The following MUSK variants were observed in gnomAD, a reference collection of about 807,000 sequenced individuals.
MUSK encodes the protein muscle associated receptor tyrosine kinase, also known as muscle, skeletal receptor tyrosine-protein kinase.
A neutral mutation model predicts 88.7 loss-of-function variants in MUSK; 55 were observed. That is an observed-to-expected ratio of 0.62 (90% CI 0.50 to 0.78). MUSK has a LOEUF of 0.78. MUSK is among the 30% of genes least tolerant of loss of function. The pLI, the probability that MUSK is intolerant of heterozygous loss-of-function variation, is 0.00. For synonymous variants in MUSK, 387 were observed against 391.9 expected, an observed-to-expected ratio of 0.99 and a Z score of 0.15; for missense variants, 1,015 against 1,074.3, an observed-to-expected ratio of 0.94 and a Z score of 0.77.
intron 8 of MUSK, among the ~76,000 whole-genome samples, chr9:110,764,603 T>TAGATAGA (rs143325894): frequency 8.1e-5 from 12 of 149,004 alleles, no homozygotes; most frequent in Non-Finnish European, 1.5e-4. Context: ...GATAGATAGA[T>TAGATAGA]TAGATAGATA....
chr9:110,675,183 G>A (rs1280939943), intron 1 of MUSK, among the ~76,000 whole-genome samples: 1 of 149,530 alleles, frequency 6.7e-6, no homozygotes, highest in East Asian at 2.0e-4. Context: ...ATGGAGCTGG[G>A]ATGTGAATTC....
At chr9:110,696,885 T>C (rs7047593) in intron 4 of MUSK, among the ~76,000 whole-genome samples, 70,840 of 151,376 alleles carry the variant, frequency 0.47, 17,158 homozygotes, top group East Asian at 0.86. Context: ...GATTTTAGCG[T>C]GCCTATTACC....
chr9:110,785,138 GCTT>G, intron 12 of MUSK, 122 bp downstream of exon 12: 1 of 893,776 alleles, frequency 1.1e-6, no homozygotes, highest in South Asian at 1.8e-5. Flanking sequence ...CCGTAGCCCT[GCTT>G]TAAAATTAAG....
intron 1 of MUSK, among the ~76,000 whole-genome samples, chr9:110,673,088 A>G (rs1209798348): frequency 6.6e-6 from 1 of 152,238 alleles, no homozygotes; most frequent in East Asian, 1.9e-4. Context: ...ATATCATTAA[A>G]TACAACTGAT....
chr9:110,776,837 T>C (rs550567937), intron 11 of MUSK, among the ~76,000 whole-genome samples, 182 bp downstream of exon 11: 1 of 152,306 alleles, frequency 6.6e-6, no homozygotes, highest in Admixed American at 6.5e-5. Flanking sequence ...AGTTTATAAC[T>C]TTTAATTAGA....
intron 5 of MUSK, among the ~76,000 whole-genome samples, chr9:110,718,587 A>G (rs571044218): frequency 5.9e-5 from 9 of 152,228 alleles, no homozygotes; most frequent in African/African-American, 2.2e-4. Context: ...GGACTATGTT[A>G]AAAGTCAAAA....
intron 11 of MUSK, among the ~76,000 whole-genome samples, chr9:110,782,908 C>G (rs148396325): frequency 2.6e-5 from 4 of 152,164 alleles, no homozygotes; most frequent in Non-Finnish European, 4.4e-5. Context: ...GTTCCAGGTG[C>G]CTGCCTGAGT....
chr9:110,735,742 T>C (rs751376920), intron 6 of MUSK, among the ~76,000 whole-genome samples: 3 of 152,056 alleles, frequency 2.0e-5, no homozygotes, highest in South Asian at 2.1e-4. Flanking sequence ...TCAGGAAGCA[T>C]AATGGCTTCT....
intron 7 of MUSK, among the ~76,000 whole-genome samples, chr9:110,760,808 C>T (rs1403125812): frequency 6.6e-6 from 1 of 152,020 alleles, no homozygotes; most frequent in African/African-American, 2.4e-5. Context: ...TTATAAAAAC[C>T]TTCTAGTTAC....
intron 9 of MUSK, among the ~76,000 whole-genome samples, chr9:110,772,732 T>A (rs1370796466): frequency 6.6e-6 from 1 of 151,974 alleles, no homozygotes; most frequent in Non-Finnish European, 1.5e-5. Context: ...TCCAAGAATG[T>A]TTTCTTGCAA....
At chr9:110,739,898 G>C (rs1316179458) in intron 6 of MUSK, among the ~76,000 whole-genome samples, 1 of 152,060 alleles carries the variant, frequency 6.6e-6, no homozygotes, top group East Asian at 1.9e-4. Context: ...TTTCCTCCAG[G>C]ACAGGCTGTC....
chr9:110,693,132 G>T (rs547446658), intron 3 of MUSK, among the ~76,000 whole-genome samples: 2 of 152,246 alleles, frequency 1.3e-5, no homozygotes, highest in East Asian at 3.9e-4. Flanking sequence ...AAATAATGAA[G>T]ACTTCATTCT....
rs755862171 is a variant in MUSK at position 110,785,021 on chromosome 9, G to T, written c.1586+5G>T. 3.1e-6 allele frequency: 5 copies of T among 1,612,510 alleles called. No homozygotes were observed. The East Asian group carries it at 1.1e-4, about 36-fold the overall frequency. The stretch of plus-strand genomic sequence containing the variant: ...ACAATGGAAAAATAAGAAAAGGTGA[G>T]ATTCTAGTTTCAGCTAACCATGTGT... On this transcript the variant is annotated splice_donor_5th_base_variant and intron_variant, in intron 12 of 14. Transcript: ENST00000374448.
intron 8 of MUSK, among the ~76,000 whole-genome samples, chr9:110,763,553 A>G (rs1183717056): frequency 6.6e-6 from 1 of 152,202 alleles, no homozygotes; most frequent in Non-Finnish European, 1.5e-5. Context: ...AAGAATAGAA[A>G]CAGTTCCCGT....
chr9:110,744,579 G>GA (rs142645701), intron 6 of MUSK, among the ~76,000 whole-genome samples: 3 of 151,592 alleles, frequency 2.0e-5, no homozygotes, highest in Admixed American at 6.6e-5. Flanking sequence ...CCTCTTTTTA[G>GA]AAAAAAAAGT....
chr9:110,698,628 T>C (rs1005569968), intron 5 of MUSK, among the ~76,000 whole-genome samples: 8 of 152,164 alleles, frequency 5.3e-5, no homozygotes, highest in African/African-American at 1.7e-4. Flanking sequence ...TTGCCTCCAA[T>C]TGAGGTAACA....
At chr9:110,682,582 C>A in intron 1 of MUSK, 92 bp from the exon 2 acceptor site, 2 of 1,253,888 alleles carry the variant, frequency 1.6e-6, no homozygotes, top group Non-Finnish European at 2.2e-6. Flanking sequence ...ACAGAATTCT[C>A]ATTCAGGTAT....
At chr9:110,697,556 T>C in intron 5 of MUSK, 90 bp downstream of exon 5, 1 of 1,377,424 alleles carries the variant, frequency 7.3e-7, no homozygotes, top group East Asian at 2.4e-5. Context: ...AGAGAAGAGA[T>C]GTGGGCAGCC....
intron 5 of MUSK, among the ~76,000 whole-genome samples, chr9:110,705,152 T>G (rs2076580875): frequency 6.6e-6 from 1 of 152,212 alleles, no homozygotes; most frequent in Non-Finnish European, 1.5e-5. Context: ...AATATTATAC[T>G]ATTTTTGATA....
Sources: allele counts gnomAD v4.1 joint callset (sites outside exome capture counted in the v4.1 genomes callset), GRCh38; gene constraint gnomAD v4.1.1; transcripts MANE v1.5; gene names NCBI Gene and HGNC (gene_info 2026-07-23, HGNC 2026-07-21).